Variants in PMS1 observed in about 807,000 individuals in gnomAD.
PMS1 encodes PMS1 protein homolog 1.
Under a neutral mutation model 93.1 loss-of-function variants are expected in PMS1, and 79 were observed. The observed-to-expected ratio is 0.85, with a 90% CI of 0.71 to 1.02. The LOEUF (loss-of-function observed/expected upper bound fraction) is 1.02, where lower values mean the gene tolerates loss of function less well. Ranked by LOEUF, PMS1 falls within the 50% of genes least tolerant of loss-of-function variation. The pLI, the probability that PMS1 is intolerant of heterozygous loss-of-function variation, is 0.00. For missense variants in PMS1, 1,064 were observed against 1,085.3 expected (o/e 0.98, Z 0.28); for synonymous variants, 335 against 363.4 (o/e 0.92, Z 0.89).
Position 189,854,589 on chromosome 2 carries a change from T to G in PMS1, c.1317T>G (p.Ile439Met), listed in dbSNP as rs2055121368. The G allele has an allele frequency of 6.2e-7, 1 of 1,613,888 alleles. No homozygotes were observed. Among genetic ancestry groups the G allele is most frequent in the South Asian group, 1.1e-5 (1 of 91,078 alleles). ...DKNTKNAFQD[I>M]SMSNVSWENS... ...ACACTAAGAATGCATTTCAGGACAT[T>G]TCAATGAGTAATGTATCATGGGAGA... The change falls in exon 9 of 13, where the codon ATT becomes ATG. Residue 439 changes from isoleucine (I) to methionine (M), a missense_variant. Transcript: ENST00000441310.
At chr2:189,798,187 T>A (rs896113732) in intron 3 of PMS1, among the ~76,000 whole-genome samples, 1 of 152,230 alleles carries the variant, frequency 6.6e-6, no homozygotes, top group African/African-American at 2.4e-5. Flanking sequence ...TTCTACTGAA[T>A]GCATATCACT....
intron 4 of PMS1, among the ~76,000 whole-genome samples, chr2:189,811,861 C>G (rs1212089503): frequency 1.3e-5 from 2 of 152,030 alleles, no homozygotes; most frequent in Admixed American, 1.3e-4. Flanking sequence ...AAGTGTGGCG[C>G]TATTTACAGC....
intron 6 of PMS1, 55 bp from the exon 7 acceptor site, chr2:189,852,600 G>A (rs1559300861): frequency 1.3e-5 from 20 of 1,522,938 alleles, no homozygotes; most frequent in Non-Finnish European, 1.7e-5. Flanking sequence ...GTTATATATA[G>A]CCAGACCCGT....
chr2:189,875,334 G>T (rs1459884059), intron 12 of PMS1, among the ~76,000 whole-genome samples: 1 of 151,450 alleles, frequency 6.6e-6, no homozygotes, highest in Non-Finnish European at 1.5e-5. Flanking sequence ...CTAAAATCCA[G>T]GCATGCTTAA....
rs571886355 is a variant in PMS1, at chr2:189,855,918, T to C, written c.1856+790T>C. 8 of 865,012 alleles carry C rather than the reference T, an allele frequency of 9.2e-6. No homozygotes were observed. The South Asian group carries it at 2.2e-4, about 24-fold the overall frequency. The allele number at this position is 865,012 out of a possible 1,614,324, so 53.6% of individuals were successfully genotyped here. ...AATTATACCTCCAATCATATACAGG[T>C]ATCTGAGTATCTCAATATTATGTCA... On this transcript the variant is annotated intron_variant, in intron 9 of 12. Coordinates refer to ENST00000441310, the MANE Select transcript of PMS1 (RefSeq NM_000534.5).
Position 189,854,060 on chromosome 2 carries a change from G to A in PMS1, c.944G>A (p.Ser315Asn), listed in dbSNP as rs1214946238. 3.8e-6 allele frequency: 6 copies of A among 1,598,552 alleles called. No homozygotes were observed. Among genetic ancestry groups the A allele is most frequent in the Non-Finnish European group, 5.1e-6 (6 of 1,171,280 alleles). The change falls in exon 8 of 13, where the codon AGC becomes AAC. Residue 315 changes from serine to asparagine, a missense_variant. By Grantham distance (46) the Ser-to-Asn change is conservative (BLOSUM62 1). Coordinates refer to ENST00000441310, the MANE Select transcript of PMS1 (RefSeq NM_000534.5). ...DVDVNLTPDK[S>N]QVLLQNKESV... The stretch of plus-strand genomic sequence containing the variant: ...GATGTAAATTTAACACCAGATAAAA[G>A]CCAAGTATTATTACAAAATAAGGTA...
At chr2:189,870,239 A>G (rs1248374676) in intron 11 of PMS1, among the ~76,000 whole-genome samples, 1 of 152,116 alleles carries the variant, frequency 6.6e-6, no homozygotes, top group Non-Finnish European at 1.5e-5. Context: ...CTAACTTTGA[A>G]TCAACAGTTT....
At chr2:189,837,072 A>C (rs2053440796) in intron 5 of PMS1, among the ~76,000 whole-genome samples, 1 of 152,206 alleles carries the variant, frequency 6.6e-6, no homozygotes, top group African/African-American at 2.4e-5. Flanking sequence ...TAGTTTTTTG[A>C]AATATTTCCT....
intron 2 of PMS1, among the ~76,000 whole-genome samples, chr2:189,795,164 G>C (rs902922169): frequency 6.6e-6 from 1 of 152,084 alleles, no homozygotes; most frequent in Non-Finnish European, 1.5e-5. Flanking sequence ...TTTCTCAGCA[G>C]TTTCCTGTTA....
At chr2:189,819,801 C>G (rs944792235) in intron 5 of PMS1, among the ~76,000 whole-genome samples, 4 of 152,110 alleles carry the variant, frequency 2.6e-5, no homozygotes, top group African/African-American at 9.7e-5. Context: ...AATATTTTCT[C>G]CTATTCTGCA....
intron 12 of PMS1, among the ~76,000 whole-genome samples, chr2:189,876,846 A>C (rs1352234276): frequency 6.9e-6 from 1 of 145,238 alleles, no homozygotes; most frequent in African/African-American, 2.6e-5. Flanking sequence ...TCCTGGCCTC[A>C]AGCAGTTCTC....
At chr2:189,872,568 T>G (rs2057240579) in intron 11 of PMS1, among the ~76,000 whole-genome samples, 1 of 152,222 alleles carries the variant, frequency 6.6e-6, no homozygotes, top group Non-Finnish European at 1.5e-5. Context: ...CTTTGAAATA[T>G]GTGCTGTTAT....
intron 5 of PMS1, among the ~76,000 whole-genome samples, chr2:189,843,238 G>A (rs571839029): frequency 1.9e-4 from 29 of 151,822 alleles, no homozygotes; most frequent in African/African-American, 6.8e-4. Flanking sequence ...GGCTGGTCTC[G>A]AACTCCTGAC....
intron 4 of PMS1, among the ~76,000 whole-genome samples, chr2:189,814,665 C>G (rs908972213): frequency 1.3e-5 from 2 of 152,080 alleles, no homozygotes; most frequent in Admixed American, 1.3e-4. Flanking sequence ...TAGTTCTTTG[C>G]TCTCATACTT....
chr2:189,821,503 G>T (rs531628003), intron 5 of PMS1, among the ~76,000 whole-genome samples: 1 of 146,694 alleles, frequency 6.8e-6, no homozygotes, highest in African/African-American at 2.5e-5. Flanking sequence ...GAAATCTTTC[G>T]AGTTAGAAAA....
chr2:189,831,539 C>G (rs943902017), intron 5 of PMS1, among the ~76,000 whole-genome samples: 4 of 152,192 alleles, frequency 2.6e-5, no homozygotes, highest in Admixed American at 2.6e-4. Flanking sequence ...ATTTATTTAA[C>G]TTATATGCCT....
intron 4 of PMS1, among the ~76,000 whole-genome samples, chr2:189,808,611 G>T (rs888370111): frequency 1.3e-5 from 2 of 152,120 alleles, no homozygotes; most frequent in African/African-American, 4.8e-5. Flanking sequence ...GATTATAGGC[G>T]TGAGCCACTG....
At chr2:189,866,045 A>T (rs988485463) in intron 10 of PMS1, among the ~76,000 whole-genome samples, 2 of 152,232 alleles carry the variant, frequency 1.3e-5, no homozygotes, top group Admixed American at 1.3e-4. Flanking sequence ...AGTATGTTTC[A>T]TAGTATTCTC....
At chr2:189,804,111 ATCAT>A (rs1233234736) in intron 3 of PMS1, among the ~76,000 whole-genome samples, 1 of 152,148 alleles carries the variant, frequency 6.6e-6, no homozygotes, top group Non-Finnish European at 1.5e-5. Flanking sequence ...GATCTGTGTA[ATCAT>A]TTATTCAGGA....
Sources: gnomAD v4.1 joint callset for allele counts (sites outside exome capture counted in the v4.1 genomes callset) on GRCh38, gnomAD v4.1.1 for gene constraint, MANE v1.5 for transcripts, NCBI Gene and HGNC (gene_info 2026-07-23, HGNC 2026-07-21) for gene names.